The following RRM2 variants were observed in gnomAD, a reference collection of about 807,000 sequenced individuals.
RRM2 encodes the protein ribonucleotide reductase regulatory subunit M2.
RRM2 carries 6 observed loss-of-function variants against 45.9 expected under a neutral mutation model. The observed-to-expected ratio is 0.13, with a 90% CI of 0.07 to 0.26. The LOEUF is 0.26. Ranked by LOEUF, RRM2 falls within the 10% of genes least tolerant of loss-of-function variation. The pLI, the probability that RRM2 is intolerant of heterozygous loss-of-function variation, is 1.00. For synonymous variants in RRM2, 177 were observed against 173.0 expected, an observed-to-expected ratio of 1.02 and a Z score of -0.18; for missense variants, 343 against 489.5, an observed-to-expected ratio of 0.70 and a Z score of 2.82.
chr2:10,193,183 G>A (rs549862182), intron 3 of RRM2, among the ~76,000 whole-genome samples: 5 of 152,150 alleles, frequency 3.3e-5, no homozygotes, highest in Non-Finnish European at 7.4e-5. Context: ...CTTGGATCTC[G>A]GGGGGCTGGC....
rs776616407 is a variant in RRM2, at chr2:10,124,745, T to C, written c.464T>C (p.Ile155Thr). 8.7e-6 allele frequency: 14 copies of C among 1,612,026 alleles called. No homozygotes were observed. The South Asian group carries it at 1.5e-4, about 18-fold the overall frequency. Reference sequence around the variant, plus strand: ...GAGCGATTTAGCCAAGAAGTTCAGATTACAGAAGCCCGCTGTTTCTATGGC... The same window carrying C: ...GAGCGATTTAGCCAAGAAGTTCAGACTACAGAAGCCCGCTGTTTCTATGGC... ...LVERFSQEVQ[I>T]TEARCFYGFQ... The change falls in exon 5 of 10, where the codon ATT (isoleucine) becomes ACT (threonine). Residue 155 changes from isoleucine (I) to threonine (T), a missense_variant. Physicochemically the swap from Ile to Thr is moderately conservative, Grantham distance 89. Around this residue, in one of 2 missense-constraint regions of RRM2, gnomAD observed 212 missense variants for 368.1 expected, o/e 0.58. Coordinates refer to ENST00000304567, the MANE Select transcript of RRM2 (RefSeq NM_001034.4).
At chr2:10,142,104 G>C in intron 2 of RRM2, 8 of 1,581,014 alleles carry the variant, frequency 5.1e-6, no homozygotes, top group Non-Finnish European at 6.9e-6. Flanking sequence ...TGTTTCAGGC[G>C]GAGGGTGGGC....
chr2:10,191,938 C>T (rs1443614674), intron 3 of RRM2, among the ~76,000 whole-genome samples: 7 of 152,132 alleles, frequency 4.6e-5, no homozygotes, highest in African/African-American at 1.2e-4. Context: ...CGAATGAGTC[C>T]GTGACCCCTT....
chr2:10,164,608 C>T (rs1558393973), intron 3 of RRM2, among the ~76,000 whole-genome samples: 1 of 152,182 alleles, frequency 6.6e-6, no homozygotes, highest in Non-Finnish European at 1.5e-5. Context: ...AGTTGTTAAA[C>T]AGTTTGAATG....
chr2:10,170,402 A>G (rs1663774850), intron 3 of RRM2, among the ~76,000 whole-genome samples: 1 of 152,028 alleles, frequency 6.6e-6, no homozygotes, highest in Admixed American at 6.6e-5. Flanking sequence ...GTGAAATCAG[A>G]CGGTCCCTGG....
At chr2:10,146,305 C>G (rs1399517561) in intron 3 of RRM2, among the ~76,000 whole-genome samples, 1 of 152,200 alleles carries the variant, frequency 6.6e-6, no homozygotes, top group African/African-American at 2.4e-5. Context: ...GTGCACCTTG[C>G]TTTTTGGAAC....
chr2:10,190,179 G>GTT (rs1159885115), intron 3 of RRM2, among the ~76,000 whole-genome samples: 5 of 147,990 alleles, frequency 3.4e-5, no homozygotes, highest in African/African-American at 1.2e-4. Context: ...GGTGGTGATG[G>GTT]TTATGATGGT....
At chr2:10,187,198 G>GCAGAAGGGTC (rs1406461947) in intron 3 of RRM2, among the ~76,000 whole-genome samples, 2 of 152,228 alleles carry the variant, frequency 1.3e-5, no homozygotes, top group African/African-American at 4.8e-5. Flanking sequence ...TGCTGCTGGG[G>GCAGAAGGGTC]CCGCTCCTCT....
At chr2:10,210,647 T>C in exon 4 of RRM2, 1 of 1,337,360 alleles carries the variant, frequency 7.5e-7, no homozygotes, top group Non-Finnish European at 9.9e-7. Context: ...CATGCCGGAG[T>C]GGGGGAAATG....
rs1013189499 is a variant in RRM2, at chr2:10,204,728, C to T, written n.483-5583C>T. ...TTAATTACTCATTGCCGCATCTGTT[C>T]TCAATTGCCCTATGCAGATACTTAG... On this transcript the variant is annotated intron_variant and non_coding_transcript_variant, in intron 3 of 3. Coordinates refer to the RRM2 transcript ENST00000381786. This position sits in a 1 kb window ranked among gnomAD's most constrained non-coding sequence, Gnocchi z 4.0. 6.6e-6 allele frequency among the ~76,000 whole-genome samples: 1 copy of T among 152,234 alleles called. No homozygotes were observed. The highest frequency in any genetic ancestry group is 1.5e-5 in the Non-Finnish European group (1 of 68,050).
chr2:10,149,426 G>A (rs1663259487), intron 3 of RRM2, among the ~76,000 whole-genome samples: 1 of 152,202 alleles, frequency 6.6e-6, no homozygotes, highest in Non-Finnish European at 1.5e-5. Flanking sequence ...ACTGCGCCCA[G>A]CCCTGCTTTA....
intron 3 of RRM2, among the ~76,000 whole-genome samples, chr2:10,193,722 A>T (rs1198334392): frequency 6.6e-6 from 1 of 152,158 alleles, no homozygotes; most frequent in African/African-American, 2.4e-5. Flanking sequence ...GGGCAGTTGC[A>T]CCATGGGCAG....
intron 4 of RRM2, chr2:10,124,219 C>A: frequency 7.5e-6 from 2 of 265,070 alleles, no homozygotes; most frequent in Non-Finnish European, 1.5e-5. Context: ...GATTCCCCAA[C>A]CTCAGCCTCA....
At chr2:10,191,604 G>A (rs1268965513) in intron 3 of RRM2, among the ~76,000 whole-genome samples, 1 of 152,142 alleles carries the variant, frequency 6.6e-6, no homozygotes. Flanking sequence ...GCGGAGCAGG[G>A]GCGGGAGAGA....
rs983601406 is a variant in RRM2, at chr2:10,185,271, G to A, written n.483-25040G>A. 7.2e-5 allele frequency among the ~76,000 whole-genome samples: 10 copies of A among 138,932 alleles called. No homozygotes were observed. Among genetic ancestry groups the A allele is most frequent in the South Asian group, 2.2e-4 (1 of 4,612 alleles). 91.1% of individuals were successfully genotyped at this position (138,932 alleles called of 152,430 possible). ...AGAGAGCGTGAAAGCGAGACAGAGC[G>A]TGAGAGTGAGAGAGAGAGAGAGAGG... On this transcript the variant is annotated intron_variant and non_coding_transcript_variant, in intron 3 of 3. Transcript: ENST00000381786. The surrounding 1 kb of genome is among the most constrained non-coding windows in gnomAD (Gnocchi z 4.3).
At chr2:10,192,077 G>C (rs1454010089) in intron 3 of RRM2, among the ~76,000 whole-genome samples, 1 of 152,070 alleles carries the variant, frequency 6.6e-6, no homozygotes, top group Non-Finnish European at 1.5e-5. Context: ...TCAGAGGCCA[G>C]GGTGGGCGGG....
At chr2:10,187,666 G>A (rs1413928902) in intron 3 of RRM2, among the ~76,000 whole-genome samples, 4 of 152,190 alleles carry the variant, frequency 2.6e-5, no homozygotes, top group African/African-American at 7.2e-5. Flanking sequence ...CCTTCCTTGT[G>A]TGTAAAACAG....
At chr2:10,137,369 G>A (rs1254384752), upstream of RRM2, among the ~76,000 whole-genome samples, 3 of 152,212 alleles carry the variant, frequency 2.0e-5, no homozygotes, top group African/African-American at 7.2e-5. Context: ...CAGCTGGCCA[G>A]TGAGTCATAT....
Position 10,171,448 on chromosome 2 carries a change from G to T in RRM2, n.482+29073G>T, listed in dbSNP as rs560475283. ...GAGCCGTGCTTCCAGGGCAGCCCCG[G>T]CCCTTCATGTCAGCTGGTGACATTT... On this transcript the variant is annotated intron_variant and non_coding_transcript_variant, in intron 3 of 3. Coordinates refer to the RRM2 transcript ENST00000381786. The surrounding 1 kb of genome is among the most constrained non-coding windows in gnomAD (Gnocchi z 4.1). Among the ~76,000 whole-genome samples the T allele has an allele frequency of 9.8e-5, 15 of 152,314 alleles. No individual in the cohort carries two copies. Among genetic ancestry groups the T allele is most frequent in the Non-Finnish European group, 2.1e-4 (14 of 68,026 alleles).
Sources: allele counts gnomAD v4.1 joint callset (sites outside exome capture counted in the v4.1 genomes callset), GRCh38; gene constraint gnomAD v4.1.1; regional missense constraint gnomAD v4.1.1; non-coding constraint Gnocchi (gnomAD v3.1); transcripts MANE v1.5; gene names NCBI Gene and HGNC (gene_info 2026-07-23, HGNC 2026-07-21).